The following SLC4A10 variants were observed in gnomAD, a reference collection of about 807,000 sequenced individuals.
SLC4A10 encodes solute carrier family 4 member 10, also known as sodium-driven chloride bicarbonate exchanger.
A neutral mutation model predicts 137.7 loss-of-function variants in SLC4A10; 42 were observed. That is an observed-to-expected ratio of 0.30 (90% CI 0.24 to 0.39). The LOEUF (loss-of-function observed/expected upper bound fraction) is 0.39. Ranked by LOEUF, SLC4A10 falls within the 10% of genes least tolerant of loss-of-function variation. The pLI is 1.00. For missense variants in SLC4A10, 925 were observed against 1,355.0 expected, an observed-to-expected ratio of 0.68 and a Z score of 4.98; for synonymous variants, 474 against 464.1, an observed-to-expected ratio of 1.02 and a Z score of -0.27.
intron 1 of SLC4A10, among the ~76,000 whole-genome samples, chr2:161,660,590 TTCTTTCTTTC>T (rs2038199502): frequency 8.5e-6 from 1 of 118,012 alleles, no homozygotes; most frequent in Non-Finnish European, 2.1e-5. Flanking sequence ...CTTTCTTTCT[TTCTTTCTTTC>T]TTTCTTTCTT....
At chr2:161,784,991 T>G (rs1421700600) in intron 2 of SLC4A10, among the ~76,000 whole-genome samples, 2 of 150,914 alleles carry the variant, frequency 1.3e-5, no homozygotes, top group Non-Finnish European at 3.0e-5. Flanking sequence ...TGACAAACCT[T>G]TGGCTAGACT....
At chr2:161,762,900 G>C (rs2050399044) in intron 1 of SLC4A10, among the ~76,000 whole-genome samples, 1 of 151,868 alleles carries the variant, frequency 6.6e-6, no homozygotes, top group Non-Finnish European at 1.5e-5. Flanking sequence ...AAATATATGT[G>C]TCCATATATT....
In SLC4A10 at chr2:161,700,796, C is replaced by CT. The variant is rs544265650; in HGVS notation, c.49-70170dup. On this transcript the variant is annotated intron_variant, in intron 1 of 26. Coordinates refer to ENST00000446997, the MANE Select transcript of SLC4A10 (RefSeq NM_001178015.2). ...ATAAAAGCTACGTTATTGCACTGCA[C>CT]TTTTTTTATATAACAGGTTCTGCTC... 3.6e-3 allele frequency among the ~76,000 whole-genome samples: 548 copies of CT among 152,154 alleles called. 10 individuals carry two copies. Among genetic ancestry groups the CT allele is most frequent in the South Asian group, 0.016 (76 of 4,824 alleles).
At chr2:161,735,326 A>C (rs2047232396) in intron 1 of SLC4A10, among the ~76,000 whole-genome samples, 1 of 151,708 alleles carries the variant, frequency 6.6e-6, no homozygotes, top group Non-Finnish European at 1.5e-5. Flanking sequence ...TAGCAAATCT[A>C]AATATATTTA....
At chr2:161,753,826 A>G (rs970300131) in intron 1 of SLC4A10, among the ~76,000 whole-genome samples, 3 of 151,550 alleles carry the variant, frequency 2.0e-5, no homozygotes, top group African/African-American at 7.3e-5. Flanking sequence ...TTCCATTTTA[A>G]CAGCTCACTT....
At chr2:161,961,315 C>G (rs563970169) in intron 21 of SLC4A10, among the ~76,000 whole-genome samples, 13 of 152,174 alleles carry the variant, frequency 8.5e-5, no homozygotes, top group Non-Finnish European at 1.5e-4. Flanking sequence ...CATTGCAGGT[C>G]ACGGAACACC....
chr2:161,917,772 T>C (rs551252897), intron 15 of SLC4A10, among the ~76,000 whole-genome samples: 1 of 152,216 alleles, frequency 6.6e-6, no homozygotes, highest in African/African-American at 2.4e-5. Context: ...CTCTCTAGAG[T>C]GAAGGGATCA....
chr2:161,977,153 TC>T (rs1037763927), intron 25 of SLC4A10: 7 of 315,512 alleles, frequency 2.2e-5, no homozygotes, highest in Non-Finnish European at 4.1e-5. Context: ...TTTATTTTAT[TC>T]CCTCATCACC....
At chr2:161,895,882 T>C (rs956197807) in intron 11 of SLC4A10, among the ~76,000 whole-genome samples, 2 of 152,074 alleles carry the variant, frequency 1.3e-5, no homozygotes, top group Admixed American at 6.6e-5. Context: ...ACTCTGATGG[T>C]AGTTTCTTTT....
chr2:161,802,160 C>G (rs1233480054), intron 2 of SLC4A10, among the ~76,000 whole-genome samples: 1 of 151,994 alleles, frequency 6.6e-6, no homozygotes, highest in Non-Finnish European at 1.5e-5. Context: ...GGACAAAAAC[C>G]TGAATATAGA....
intron 1 of SLC4A10, among the ~76,000 whole-genome samples, chr2:161,735,142 A>T (rs945523880): frequency 6.7e-6 from 1 of 148,514 alleles, no homozygotes; most frequent in African/African-American, 2.4e-5. Flanking sequence ...AAAAATATAT[A>T]TATTATACAT....
At chr2:161,888,122 G>A (rs1324463269) in intron 10 of SLC4A10, among the ~76,000 whole-genome samples, 2 of 152,098 alleles carry the variant, frequency 1.3e-5, no homozygotes, top group Non-Finnish European at 2.9e-5. Flanking sequence ...TAGATAAATG[G>A]CATTATTTCT....
At chr2:161,738,339 C>T (rs569589390) in intron 1 of SLC4A10, among the ~76,000 whole-genome samples, 7 of 152,152 alleles carry the variant, frequency 4.6e-5, no homozygotes, top group Non-Finnish European at 8.8e-5. Context: ...GAACAATTAA[C>T]AAATTGGGCA....
intron 11 of SLC4A10, among the ~76,000 whole-genome samples, chr2:161,898,547 T>C (rs1002435239): frequency 6.6e-6 from 1 of 152,090 alleles, no homozygotes; most frequent in Non-Finnish European, 1.5e-5. Flanking sequence ...CATTTCCATC[T>C]TTTTTATTCA....
Position 161,634,941 on chromosome 2 carries a change from A to G in SLC4A10, c.48+10375A>G, listed in dbSNP as rs369640469. On this transcript the variant is annotated intron_variant, in intron 1 of 26. Coordinates refer to ENST00000446997, the MANE Select transcript of SLC4A10 (RefSeq NM_001178015.2). ...GAAACAACTTTTTAAGATTCCATAT[A>G]TAAGGAGACTTCAAAAGTTTTGTAG... Among the ~76,000 whole-genome samples, 56 of 152,156 alleles carry G rather than the reference A, an allele frequency of 3.7e-4. 2 individuals carry two copies. In the East Asian group the frequency reaches 6.8e-3, roughly 18 times the overall value.
At chr2:161,739,381 C>T (rs1220425611) in intron 1 of SLC4A10, among the ~76,000 whole-genome samples, 5 of 152,110 alleles carry the variant, frequency 3.3e-5, no homozygotes, top group Admixed American at 3.3e-4. Context: ...GTTTTAATTT[C>T]CCATTTCACT....
chr2:161,802,708 CT>C lies in SLC4A10; in HGVS notation c.131-1740del, dbSNP rs1335819813. Among the ~76,000 whole-genome samples, 5 of 152,230 alleles carry C rather than the reference CT, an allele frequency of 3.3e-5. No individual in the cohort carries two copies. In the East Asian group the frequency reaches 7.7e-4, roughly 23 times the overall value. On this transcript the variant is annotated intron_variant, in intron 2 of 26. Transcript: ENST00000446997. ...GCTGGGACACCTAAGATCAAGATGG[CT>C]AGCCAGGTGGGTCTCATTCTGAAGA... is the stretch of plus-strand genomic sequence containing the variant.
intron 15 of SLC4A10, among the ~76,000 whole-genome samples, chr2:161,933,271 TC>T (rs1325673427): frequency 6.7e-6 from 1 of 150,134 alleles, no homozygotes; most frequent in African/African-American, 2.5e-5. Context: ...TCTCCTTCCT[TC>T]CTTTCTTTTT....
intron 2 of SLC4A10, among the ~76,000 whole-genome samples, chr2:161,792,069 T>C (rs371368061): frequency 6.6e-6 from 1 of 152,246 alleles, no homozygotes; most frequent in East Asian, 1.9e-4. Context: ...AACTAAACTC[T>C]GTTTAGTATG....
Sources: gnomAD v4.1 joint callset for allele counts (sites outside exome capture counted in the v4.1 genomes callset) on GRCh38, gnomAD v4.1.1 for gene constraint, MANE v1.5 for transcripts, NCBI Gene and HGNC (gene_info 2026-07-23, HGNC 2026-07-21) for gene names.